Variants in LRP2 observed in about 807,000 individuals in gnomAD.
LRP2 encodes the protein LDL receptor related protein 2.
A neutral mutation model predicts 531.0 loss-of-function variants in LRP2; 172 were observed. That is an observed-to-expected ratio of 0.32 (90% CI 0.29 to 0.37). The LOEUF (loss-of-function observed/expected upper bound fraction) is 0.37. Among genes scored for constraint, LRP2 ranks in the 10% least tolerant of loss-of-function variants. LRP2 has a pLI of 1.00. For synonymous variants in LRP2, 1,992 were observed against 2,027.6 expected (o/e 0.98, Z 0.47); for missense variants, 5,167 against 5,868.3 (o/e 0.88, Z 3.90).
chr2:169,213,644 G>T lies in LRP2; in HGVS notation c.6040+13C>A. ...TATACACCCATGAATGTATTTCAGT[G>T]ACAAATACTTACTGCGTCTGTGATA... On this transcript the variant is annotated intron_variant, in intron 36 of 78. Transcript: ENST00000649046. The T allele has an allele frequency of 6.3e-7, 1 of 1,597,872 alleles. No individual in the cohort carries two copies.
intron 48 of LRP2, among the ~76,000 whole-genome samples, chr2:169,191,372 T>C (rs1223694686): frequency 1.3e-5 from 2 of 152,170 alleles, no homozygotes; most frequent in Non-Finnish European, 2.9e-5. Context: ...CTACTCCAAG[T>C]GGAAAACTAA....
At chr2:169,301,189 A>G (rs972062084) in intron 4 of LRP2, among the ~76,000 whole-genome samples, 3 of 152,160 alleles carry the variant, frequency 2.0e-5, no homozygotes, top group Non-Finnish European at 4.4e-5. Flanking sequence ...TCATTCTAAT[A>G]TGGTGCTTGA....
rs749051249 is a variant in LRP2 at position 169,187,932 on chromosome 2, C to T, written c.9328+38G>A. 26 of 1,605,522 alleles carry T rather than the reference C, an allele frequency of 1.6e-5. No homozygotes were observed. The Middle Eastern group carries it at 6.6e-4, about 41-fold the overall frequency. ...AGGGTTGAGAATCCATATTCAGTCT[C>T]CCCTGTTTCCTTTTCCCAAATCCTC... On this transcript the variant is annotated intron_variant, in intron 49 of 78. Transcript: ENST00000649046.
At chr2:169,359,498 A>T (rs982429949) in intron 1 of LRP2, among the ~76,000 whole-genome samples, 24 of 152,210 alleles carry the variant, frequency 1.6e-4, no homozygotes, top group Admixed American at 9.2e-4. Flanking sequence ...ATGGTAGCCT[A>T]CCTAAAAGGT....
rs770270652 is a variant in LRP2, at chr2:169,145,702, A to G, written c.12988+45T>C. 23 of 1,579,342 alleles carry G rather than the reference A, an allele frequency of 1.5e-5. No homozygotes were observed. In the Admixed American group the frequency reaches 1.5e-4, roughly 10 times the overall value. On this transcript the variant is annotated intron_variant, in intron 70 of 78. Transcript: ENST00000649046. ...AATATAGCCATTATTTTGAAATAAGATTTCCAAGTAATGAGGAGCATCTTA... is the reference window on the plus strand; with the variant it reads ...AATATAGCCATTATTTTGAAATAAGGTTTCCAAGTAATGAGGAGCATCTTA...
At chr2:169,284,189 G>A (rs1683779094) in intron 9 of LRP2, among the ~76,000 whole-genome samples, 1 of 150,976 alleles carries the variant, frequency 6.6e-6, no homozygotes, top group South Asian at 2.1e-4. Flanking sequence ...CCTGCTGGGT[G>A]GCCCACCATT....
At chr2:169,139,718 T>A (rs1380189807) in intron 72 of LRP2, 108 bp from the exon 73 acceptor site, 2 of 928,900 alleles carry the variant, frequency 2.2e-6, no homozygotes, top group African/African-American at 3.2e-5. Context: ...ATAAATTACA[T>A]GTTGAACAGA....
At position 169,170,932 on chromosome 2, in the gene LRP2, T is replaced by TTTG. The variant is rs1416069018; in HGVS notation, c.11264-266_11264-265insCAA. ...TGCTCTCTCTCTCTGTTTTTTTTTT[T>TTTG]TTTTTTTTTTTTGAAACAGGATCTT... On this transcript the variant is annotated intron_variant, in intron 58 of 78. Coordinates refer to ENST00000649046, the MANE Select transcript of LRP2 (RefSeq NM_004525.3). Among the ~76,000 whole-genome samples the TTTG allele has an allele frequency of 8.8e-4, 129 of 147,234 alleles. 2 individuals carry two copies. The South Asian group carries it at 0.027, about 31-fold the overall frequency.
chr2:169,170,072 C>T (rs139121240), intron 59 of LRP2, among the ~76,000 whole-genome samples: 29 of 152,282 alleles, frequency 1.9e-4, no homozygotes, highest in Non-Finnish European at 3.4e-4. Context: ...CCTCAGAAAT[C>T]GGAATTCCCC....
In LRP2 at chr2:169,154,413, T is replaced by C. The variant is rs1250088097; in HGVS notation, c.12295+47A>G. 8 of 1,568,270 alleles carry C rather than the reference T, an allele frequency of 5.1e-6. No individual in the cohort carries two copies. The South Asian group carries it at 8.9e-5, about 17-fold the overall frequency. ...CTTAAAAGTCAACACCTTAAAATTC[T>C]ATAAAGTCACTTAATATCAATGAAA... On this transcript the variant is annotated intron_variant, in intron 66 of 78. Transcript: ENST00000649046.
intron 7 of LRP2, 118 bp downstream of exon 7, chr2:169,292,135 C>T: frequency 1.2e-6 from 1 of 827,234 alleles, no homozygotes; most frequent in Middle Eastern, 2.3e-4. Flanking sequence ...CCTTCAACTC[C>T]AGCCAATCCT....
At position 169,182,560 on chromosome 2, in the gene LRP2, G is replaced by A. The variant is rs1025077945; in HGVS notation, c.9846-241C>T. ...AGGTGGTGTCATGTAGAAAATACGGGGGACACACTTCATTCGACGGGTCTG... is the reference window on the plus strand; with the variant it reads ...AGGTGGTGTCATGTAGAAAATACGGAGGACACACTTCATTCGACGGGTCTG... On this transcript the variant is annotated intron_variant, in intron 50 of 78. Coordinates refer to ENST00000649046, the MANE Select transcript of LRP2 (RefSeq NM_004525.3). 8 of 1,381,810 alleles carry A rather than the reference G, an allele frequency of 5.8e-6. No individual in the cohort carries two copies. The Admixed American group carries it at 1.4e-4, about 24-fold the overall frequency. The allele number at this position is 1,381,810 out of a possible 1,614,324, so 85.6% of individuals were successfully genotyped here.
At chr2:169,356,347 C>T (rs1685986847) in intron 1 of LRP2, among the ~76,000 whole-genome samples, 1 of 152,198 alleles carries the variant, frequency 6.6e-6, no homozygotes, top group Non-Finnish European at 1.5e-5. Context: ...TTCTCAGACC[C>T]ACGGTAAAGA....
intron 48 of LRP2, among the ~76,000 whole-genome samples, chr2:169,189,593 A>G (rs1334096292): frequency 2.6e-5 from 4 of 152,154 alleles, no homozygotes; most frequent in African/African-American, 9.7e-5. Flanking sequence ...CTTATCATCC[A>G]TGTTTTTCAG....
At chr2:169,163,518 CAAT>C (rs953143428) in intron 62 of LRP2, among the ~76,000 whole-genome samples, 1 of 151,960 alleles carries the variant, frequency 6.6e-6, no homozygotes, top group Non-Finnish European at 1.5e-5. Context: ...ATGTAAGTGA[CAAT>C]AAGTTCAGAC....
At chr2:169,218,667 C>A (rs1202729675) in intron 34 of LRP2, among the ~76,000 whole-genome samples, 2 of 152,150 alleles carry the variant, frequency 1.3e-5, no homozygotes, top group African/African-American at 4.8e-5. Context: ...GCATGTCCTT[C>A]CGTGCAGTTA....
chr2:169,169,703 A>G lies in LRP2; in HGVS notation c.11496T>C (p.Cys3832=). Residue 3832 remains cysteine (C), a splice_region_variant and synonymous_variant, in exon 60 of 79, where the codon TGT becomes TGC. Coordinates refer to ENST00000649046, the MANE Select transcript of LRP2 (RefSeq NM_004525.3). The part of the protein sequence containing the change: ...DCLDASDEAD[C]PTRFPDGAYC... The stretch of plus-strand genomic sequence containing the variant: ...CTACATATGTGTCTAGGGACTTACG[A>G]CAATCAGCTTCATCAGACGCATCCA... 6.2e-7 allele frequency: 1 copy of G among 1,613,566 alleles called. No individual in the cohort carries two copies. Among genetic ancestry groups the G allele is most frequent in the African/African-American group, 1.3e-5 (1 of 75,046 alleles).
At chr2:169,354,867 G>A (rs2389557) in intron 1 of LRP2, among the ~76,000 whole-genome samples, 76,827 of 152,062 alleles carry the variant, frequency 0.51, 19,640 homozygotes, top group South Asian at 0.59. Flanking sequence ...TGTCTCCACA[G>A]AAGCATCTTA....
chr2:169,259,331 C>A (rs549274515), intron 16 of LRP2, 114 bp from the exon 17 acceptor site: 89 of 500,768 alleles, frequency 1.8e-4, no homozygotes, highest in South Asian at 3.7e-4. Context: ...TTCAGGAACA[C>A]ATGTGGAATT....
Sources: gnomAD v4.1 joint callset for allele counts (sites outside exome capture counted in the v4.1 genomes callset) on GRCh38, gnomAD v4.1.1 for gene constraint, MANE v1.5 for transcripts, NCBI Gene and HGNC (gene_info 2026-07-23, HGNC 2026-07-21) for gene names.